The following SIGLEC11 variants were observed in gnomAD, a reference collection of about 807,000 sequenced individuals.
SIGLEC11 encodes the protein sialic acid binding Ig like lectin 11.
A neutral mutation model predicts 61.2 loss-of-function variants in SIGLEC11; 47 were observed. The ratio of observed to expected loss-of-function variants is 0.77; its 90% confidence interval spans 0.61 to 0.98. The LOEUF is 0.98. Ranked by LOEUF, SIGLEC11 falls within the 50% of genes least tolerant of loss-of-function variation. The pLI is 0.00. For synonymous variants in SIGLEC11, 278 were observed against 373.1 expected, an observed-to-expected ratio of 0.75 and a Z score of 2.94; for missense variants, 610 against 870.3, an observed-to-expected ratio of 0.70 and a Z score of 3.76.
rs1278073055 is a variant in SIGLEC11 at position 49,955,292 on chromosome 19, G to A, written c.1652-2898C>T. On this transcript the variant is annotated intron_variant, in intron 8 of 10. Coordinates refer to ENST00000447370, the MANE Select transcript of SIGLEC11 (RefSeq NM_052884.3). The surrounding 1 kb of genome is among the most constrained non-coding windows in gnomAD (Gnocchi z 4.5). ...TCTATCTGGAAAAAGAGCGGGGCGG[G>A]GACTGGCCCCAGAAAAAAAGCCAAA... Among the ~76,000 whole-genome samples, 1 of 149,516 alleles carries A rather than the reference G, an allele frequency of 6.7e-6. No homozygotes were observed. Among genetic ancestry groups the A allele is most frequent in the African/African-American group, 2.5e-5 (1 of 40,744 alleles).
intron 8 of SIGLEC11, among the ~76,000 whole-genome samples, chr19:49,956,829 A>C (rs1568747385): frequency 1.3e-5 from 2 of 152,204 alleles, no homozygotes; most frequent in African/African-American, 2.4e-5. Flanking sequence ...CAACCCACAA[A>C]AATGAAGAAT....
At chr19:49,952,227 G>T in intron 9 of SIGLEC11, 71 bp downstream of exon 9, 1 of 1,474,644 alleles carries the variant, frequency 6.8e-7, no homozygotes, top group Non-Finnish European at 9.3e-7. Context: ...GATTCCTGCA[G>T]CTGGGACTGT....
intron 9 of SIGLEC11, 23 bp downstream of exon 9, chr19:49,952,275 A>G (rs373428009): frequency 4.2e-5 from 68 of 1,609,006 alleles, no homozygotes; most frequent in Non-Finnish European, 5.5e-5. Flanking sequence ...CACACCCTGC[A>G]TTGCCTGCCC....
rs559825070 is a variant in SIGLEC11, at chr19:49,950,285, C to T, written c.1831-49G>A. On this transcript the variant is annotated intron_variant, in intron 10 of 10. Coordinates refer to ENST00000447370, the MANE Select transcript of SIGLEC11 (RefSeq NM_052884.3). ...TCAAATTAGGGTCATGGGGGCTAAG[C>T]GAGAGCAAGGAGGATGCACAAGAGG... 3.2e-5 allele frequency: 46 copies of T among 1,440,310 alleles called. No individual in the cohort carries two copies. In the East Asian group the frequency reaches 4.7e-4, roughly 15 times the overall value. The allele number at this position is 1,440,310 out of a possible 1,614,324, so 89.2% of individuals were successfully genotyped here. A position where few individuals can be genotyped will look rare whatever the true frequency, so the allele number is the denominator to read the frequency against.
intron 8 of SIGLEC11, among the ~76,000 whole-genome samples, chr19:49,953,646 T>G (rs1600609226): frequency 6.6e-6 from 1 of 151,544 alleles, no homozygotes; most frequent in East Asian, 1.9e-4. Flanking sequence ...TGGGGCCAAC[T>G]AAGACTAGTG....
chr19:49,950,209 T>A lies in SIGLEC11; in HGVS notation c.1858A>T (p.Ser620Cys). 6.3e-7 allele frequency: 1 copy of A among 1,596,456 alleles called. No individual in the cohort carries two copies. Among genetic ancestry groups the A allele is most frequent in the South Asian group, 1.1e-5 (1 of 89,662 alleles). Residue 620 changes from serine (S) to cysteine (C), a missense_variant, in exon 11 of 11, where the codon AGC (serine) becomes TGC (cysteine). Around this residue, in one of 6 missense-constraint regions of SIGLEC11, gnomAD observed 432 missense variants for 441.5 expected, o/e 0.98. Coordinates refer to ENST00000447370, the MANE Select transcript of SIGLEC11 (RefSeq NM_052884.3). ...CCTGGGGGCGGGTGGTCTTGGGAGC[T>A]GCCTGCCGAGCATTCATGCTGGTGA... ...QGHQHECSAG[S>C]SQDHPPPGAA...
chr19:49,953,680 A>G (rs1415732401), intron 8 of SIGLEC11, among the ~76,000 whole-genome samples: 1 of 151,920 alleles, frequency 6.6e-6, no homozygotes, highest in African/African-American at 2.4e-5. Context: ...GGCTAATAGG[A>G]GCTGCCCTAC....
intron 8 of SIGLEC11, among the ~76,000 whole-genome samples, chr19:49,952,824 C>CA (rs1234011819): frequency 1.3e-5 from 2 of 152,146 alleles, no homozygotes; most frequent in Non-Finnish European, 2.9e-5. Context: ...ACAAGGCCAC[C>CA]AGCTATGCAA....
At chr19:49,953,020 T>A (rs767667089) in intron 8 of SIGLEC11, among the ~76,000 whole-genome samples, 8 of 152,138 alleles carry the variant, frequency 5.3e-5, no homozygotes, top group Non-Finnish European at 1.0e-4. Flanking sequence ...TCCGTATCGG[T>A]CTCACCAGTC....
chr19:49,952,046 A>G lies in SIGLEC11; in HGVS notation c.1749-74T>C, dbSNP rs569786453. 302 of 1,453,982 alleles carry G rather than the reference A, an allele frequency of 2.1e-4. 4 individuals carry two copies. The highest frequency in any genetic ancestry group is 1.9e-3 in the South Asian group (145 of 75,230). The allele number at this position is 1,453,982 out of a possible 1,614,324, so 90.1% of individuals were successfully genotyped here. A position where few individuals can be genotyped will look rare whatever the true frequency, so the allele number is the denominator to read the frequency against. On this transcript the variant is annotated intron_variant, in intron 9 of 10. Transcript: ENST00000447370. ...GGGGAAACTGCTACCCACATGGCTTAGCAGAGGCTGGAAGGCTGCAGAGCC... is the reference window on the plus strand; with the variant it reads ...GGGGAAACTGCTACCCACATGGCTTGGCAGAGGCTGGAAGGCTGCAGAGCC...
intron 8 of SIGLEC11, among the ~76,000 whole-genome samples, chr19:49,952,705 GA>G (rs1354287441): frequency 6.6e-6 from 1 of 152,090 alleles, no homozygotes; most frequent in Non-Finnish European, 1.5e-5. Flanking sequence ...AAACAAGAAA[GA>G]AAAACAAATT....
rs759477938 is a variant in SIGLEC11, at chr19:49,949,967, T to C, written c.*3A>G. Reference sequence around the variant, plus strand: ...CTGGTGTCCTGTTGCCATGGAGACCTCTTCACTTTGGAACCATCCCTGACA... The same window carrying C: ...CTGGTGTCCTGTTGCCATGGAGACCCCTTCACTTTGGAACCATCCCTGACA... On this transcript the variant is annotated 3_prime_UTR_variant, in exon 11 of 11. Transcript: ENST00000447370. 1 of 1,448,794 alleles carries C rather than the reference T, an allele frequency of 6.9e-7. No homozygotes were observed. The highest frequency in any genetic ancestry group is 9.1e-7 in the Non-Finnish European group (1 of 1,093,868). 89.7% of individuals were successfully genotyped at this position (1,448,794 alleles called of 1,614,324 possible).
chr19:49,956,092 G>A (rs879614552), intron 8 of SIGLEC11, among the ~76,000 whole-genome samples: 2 of 152,166 alleles, frequency 1.3e-5, no homozygotes, highest in Admixed American at 6.6e-5. Context: ...CTATGTTTGC[G>A]GAGGGACTAA....
chr19:49,954,155 G>C (rs1297016013), intron 8 of SIGLEC11, among the ~76,000 whole-genome samples: 1 of 152,050 alleles, frequency 6.6e-6, no homozygotes, highest in East Asian at 1.9e-4. Flanking sequence ...CTTGTAGCCC[G>C]AGCCAAAAAT....
chr19:49,959,217 A>G (rs1382962177), intron 5 of SIGLEC11, 140 bp from the exon 6 acceptor site: 59 of 1,425,814 alleles, frequency 4.1e-5, no homozygotes, highest in Non-Finnish European at 5.3e-5. Context: ...CCCAGACACA[A>G]ACTGCATGAG....
In SIGLEC11 at chr19:49,960,354, G is replaced by C. The variant is rs754525077; in HGVS notation, c.528C>G (p.Ile176Met). The C allele has an allele frequency of 1.2e-6, 2 of 1,600,428 alleles. No individual in the cohort carries two copies. The highest frequency in any genetic ancestry group is 1.1e-5 in the South Asian group (1 of 90,684). The change falls in exon 3 of 11, where the codon ATC (isoleucine) becomes ATG (methionine). Residue 176 changes from isoleucine (I) to methionine (M), a missense_variant. Ile to Met is a conservative substitution (Grantham distance 10). This residue lies in a region of SIGLEC11 where 99 missense variants were observed against 131.6 expected (regional missense o/e 0.75). Transcript: ENST00000447370. ...TCTTGAAAGCCCAGTTAAACACACAGATGACCGTCACCGGCTGCCCGGGCT... is the reference window on the plus strand; with the variant it reads ...TCTTGAAAGCCCAGTTAAACACACACATGACCGTCACCGGCTGCCCGGGCT... ...TLEPGQPVTV[I>M]CVFNWAFKKC...
rs1486923279 is a variant in SIGLEC11 at position 49,955,208 on chromosome 19, C to T, written c.1652-2814G>A. ...ACAAAACGGGAAAGAGCGAAAGCAA[C>T]AAGCGAGGCACCAAGCAGCTAGGCA... On this transcript the variant is annotated intron_variant, in intron 8 of 10. Transcript: ENST00000447370. This position sits in a 1 kb window ranked among gnomAD's most constrained non-coding sequence, Gnocchi z 4.5. 6.7e-6 allele frequency among the ~76,000 whole-genome samples: 1 copy of T among 150,138 alleles called. No individual in the cohort carries two copies. The highest frequency in any genetic ancestry group is 2.5e-5 in the African/African-American group (1 of 40,748).
Position 49,960,725 on chromosome 19 carries a change from T to A in SIGLEC11, c.287A>T (p.Glu96Val), listed in dbSNP as rs9676436. The A allele has an allele frequency of 1.9e-6, 3 of 1,609,840 alleles. No individual in the cohort carries two copies. The highest frequency in any genetic ancestry group is 2.5e-6 in the Non-Finnish European group (3 of 1,178,708). ...CTGGAATCGGTCCCGGGTGCTCATT[T>A]CCACCTCTCGACTCTGGTTGTTAGT... The part of the protein sequence containing the change: ...VATNNQSREV[E>V]MSTRDRFQLT... Residue 96 changes from glutamate to valine, a missense_variant, in exon 2 of 11, where the codon GAA (glutamate) becomes GTA (valine). Around this residue, in one of 6 missense-constraint regions of SIGLEC11, gnomAD observed 99 missense variants for 131.6 expected, o/e 0.75. Transcript: ENST00000447370.
Position 49,955,412 on chromosome 19 carries a change from G to T in SIGLEC11, c.1651+2871C>A, listed in dbSNP as rs2076189143. Among the ~76,000 whole-genome samples the T allele has an allele frequency of 6.6e-6, 1 of 151,946 alleles. No individual in the cohort carries two copies. Among genetic ancestry groups the T allele is most frequent in the African/African-American group, 2.4e-5 (1 of 41,374 alleles). ...AACGGCCCAGGGGTGGACTACGGCT[G>T]TGCAGATCCTACCTAGCCCAAAAAA... On this transcript the variant is annotated intron_variant, in intron 8 of 10. Coordinates refer to ENST00000447370, the MANE Select transcript of SIGLEC11 (RefSeq NM_052884.3). This position sits in a 1 kb window ranked among gnomAD's most constrained non-coding sequence, Gnocchi z 4.5.
Sources: allele counts gnomAD v4.1 joint callset (sites outside exome capture counted in the v4.1 genomes callset), GRCh38; gene constraint gnomAD v4.1.1; regional missense constraint gnomAD v4.1.1; non-coding constraint Gnocchi (gnomAD v3.1); transcripts MANE v1.5; gene names NCBI Gene and HGNC (gene_info 2026-07-23, HGNC 2026-07-21).